SGCD: variants seen among roughly 807,000 people sequenced by gnomAD.
The protein encoded by SGCD is delta-sarcoglycan.
SGCD carries 18 observed loss-of-function variants against 36.6 expected under a neutral mutation model. The observed-to-expected ratio is 0.49, with a 90% CI of 0.34 to 0.73. SGCD has a LOEUF of 0.73. Ranked by LOEUF, SGCD falls within the 30% of genes least tolerant of loss-of-function variation. The pLI, the probability that SGCD is intolerant of heterozygous loss-of-function variation, is 0.01. For missense variants in SGCD, 387 were observed against 346.7 expected, an observed-to-expected ratio of 1.12 and a Z score of -0.92; for synonymous variants, 133 against 130.6, an observed-to-expected ratio of 1.02 and a Z score of -0.12.
rs115312399 is a variant in SGCD, at chr5:156,596,362, G to C, written c.502+1311G>C. On this transcript the variant is annotated intron_variant, in intron 6 of 8. Transcript: ENST00000337851. The stretch of plus-strand genomic sequence containing the variant: ...CTTAAGCAAAGTATCTAATCTCTCT[G>C]TGCCTGCTTGCTTACCTGTTTATAA... 1.8e-3 allele frequency among the ~76,000 whole-genome samples: 279 copies of C among 152,000 alleles called. 1 individual carries two copies. The highest frequency in any genetic ancestry group is 6.5e-3 in the African/African-American group (271 of 41,450).
intron 3 of SGCD, among the ~76,000 whole-genome samples, chr5:156,205,922 G>C (rs926804203): frequency 5.3e-5 from 8 of 150,962 alleles, no homozygotes; most frequent in African/African-American, 1.9e-4. Flanking sequence ...ATTTGTTCAA[G>C]GGAGATGACC....
chr5:156,623,192 A>G (rs1459554031), intron 6 of SGCD, among the ~76,000 whole-genome samples: 1 of 152,190 alleles, frequency 6.6e-6, no homozygotes, highest in African/African-American at 2.4e-5. Context: ...AATCTCTTTT[A>G]GAAAACCACA....
chr5:156,235,611 A>G (rs1158836510), intron 3 of SGCD, among the ~76,000 whole-genome samples: 1 of 152,128 alleles, frequency 6.6e-6, no homozygotes, highest in Non-Finnish European at 1.5e-5. Flanking sequence ...TGATGGCAGA[A>G]GCTCTTTTTT....
chr5:156,287,641 G>GTT (rs1766644547), intron 3 of SGCD, among the ~76,000 whole-genome samples: 3 of 151,676 alleles, frequency 2.0e-5, no homozygotes, highest in Admixed American at 2.0e-4. Flanking sequence ...GTGTGTGTGT[G>GTT]TGTGTGTGTG....
chr5:156,082,474 A>G (rs570966293), intron 1 of SGCD, among the ~76,000 whole-genome samples: 1 of 152,304 alleles, frequency 6.6e-6, no homozygotes, highest in African/African-American at 2.4e-5. Flanking sequence ...TATAACTCAA[A>G]TCATACAGTA....
chr5:156,176,428 A>G (rs1245212381), intron 3 of SGCD, among the ~76,000 whole-genome samples: 1 of 152,212 alleles, frequency 6.6e-6, no homozygotes, highest in Non-Finnish European at 1.5e-5. Context: ...TTGATATGCT[A>G]GGAGATTAAA....
intron 1 of SGCD, among the ~76,000 whole-genome samples, chr5:155,913,451 A>G (rs538272725): frequency 2.0e-5 from 3 of 151,502 alleles, no homozygotes; most frequent in Admixed American, 2.0e-4. Flanking sequence ...CTCCTTTGGA[A>G]CCTTTTAGGG....
chr5:156,714,431 A>G (rs1755132467), intron 7 of SGCD, among the ~76,000 whole-genome samples: 1 of 152,234 alleles, frequency 6.6e-6, no homozygotes, highest in Non-Finnish European at 1.5e-5. Flanking sequence ...GATAAGCTTC[A>G]TCAAACATGA....
intron 3 of SGCD, among the ~76,000 whole-genome samples, chr5:156,312,425 G>A (rs896934171): frequency 7.2e-5 from 11 of 152,164 alleles, no homozygotes; most frequent in African/African-American, 2.7e-4. Flanking sequence ...TAAAACCCAA[G>A]TGAAACACTG....
chr5:156,004,575 C>T (rs899422252), intron 1 of SGCD, among the ~76,000 whole-genome samples: 4 of 152,176 alleles, frequency 2.6e-5, no homozygotes, highest in East Asian at 1.9e-4. Flanking sequence ...CACTCACACC[C>T]GGATCAGCTT....
chr5:155,974,717 C>A (rs1197046525), intron 1 of SGCD, among the ~76,000 whole-genome samples: 2 of 152,042 alleles, frequency 1.3e-5, no homozygotes, highest in Non-Finnish European at 2.9e-5. Flanking sequence ...AGATTATTTG[C>A]ACCATTCCCT....
At chr5:156,207,626 C>A (rs921067389) in intron 3 of SGCD, among the ~76,000 whole-genome samples, 6 of 152,006 alleles carry the variant, frequency 3.9e-5, no homozygotes, top group Non-Finnish European at 4.4e-5. Context: ...ATGGCAAAAA[C>A]CGCAATTACT....
intron 4 of SGCD, among the ~76,000 whole-genome samples, chr5:156,511,738 A>G (rs955151773): frequency 1.3e-5 from 2 of 152,182 alleles, no homozygotes; most frequent in African/African-American, 4.8e-5. Context: ...ATATGTTTGG[A>G]AGAGCAGCAG....
the SGCD span, among the ~76,000 whole-genome samples, chr5:155,818,868 C>T: frequency 1.3e-5 from 2 of 152,182 alleles, no homozygotes; most frequent in African/African-American, 4.8e-5. Flanking sequence ...ACTACCTTTA[C>T]TCCACTTCCA....
intron 4 of SGCD, among the ~76,000 whole-genome samples, chr5:156,582,001 A>G (rs1760281651): frequency 6.6e-6 from 1 of 152,206 alleles, no homozygotes; most frequent in African/African-American, 2.4e-5. Context: ...CCTCTTCTGC[A>G]TCAATCATGC....
At chr5:156,492,444 T>G (rs1367795517) in intron 3 of SGCD, among the ~76,000 whole-genome samples, 1 of 152,116 alleles carries the variant, frequency 6.6e-6, no homozygotes, top group African/African-American at 2.4e-5. Context: ...CAAAAATCAA[T>G]ATTTCGATTC....
At chr5:156,454,843 A>G (rs1430357227) in intron 3 of SGCD, among the ~76,000 whole-genome samples, 1 of 152,158 alleles carries the variant, frequency 6.6e-6, no homozygotes, top group Non-Finnish European at 1.5e-5. Flanking sequence ...CAGGCAAAGC[A>G]AAGGTTGTAA....
chr5:155,888,509 G>T (rs180778423), intron 1 of SGCD, among the ~76,000 whole-genome samples: 1 of 152,170 alleles, frequency 6.6e-6, no homozygotes, highest in Non-Finnish European at 1.5e-5. Flanking sequence ...GAATAGGGAC[G>T]CAAAGAAGCA....
intron 3 of SGCD, among the ~76,000 whole-genome samples, chr5:156,294,394 C>G (rs889535119): frequency 6.6e-6 from 1 of 151,862 alleles, no homozygotes; most frequent in African/African-American, 2.4e-5. Context: ...GTTCGGAGTT[C>G]AAGACTGGCC....
Sources: gnomAD v4.1 joint callset for allele counts (sites outside exome capture counted in the v4.1 genomes callset) on GRCh38, gnomAD v4.1.1 for gene constraint, MANE v1.5 for transcripts, NCBI Gene and HGNC (gene_info 2026-07-23, HGNC 2026-07-21) for gene names.